Variants in SIRPG observed in about 807,000 individuals in gnomAD.
SIRPG encodes the protein signal regulatory protein gamma, also known as signal-regulatory protein gamma.
In SIRPG, 38 loss-of-function variants were observed where a neutral mutation model predicts 35.7. The observed-to-expected ratio is 1.06, with a 90% confidence interval of 0.82 to 1.40. The LOEUF (loss-of-function observed/expected upper bound fraction) is 1.40, where lower values mean the gene tolerates loss of function less well. Ranked by LOEUF, SIRPG falls within the 40% of genes most tolerant of loss-of-function variation. The probability of loss-of-function intolerance (pLI) is 0.00; values close to 1 mark genes in which losing one functional copy is unlikely to be tolerated. For synonymous variants in SIRPG, 215 were observed against 190.4 expected (o/e 1.13, Z -1.06); for missense variants, 519 against 483.0 (o/e 1.07, Z -0.70).
chr20:1,638,587 G>T (rs1600203766), intron 2 of SIRPG: 1 of 152,262 alleles, frequency 6.6e-6, no homozygotes, highest in East Asian at 1.9e-4. Flanking sequence ...AGGGAACAGA[G>T]TCCTCTGTGA....
the SIRPG span, among the ~76,000 whole-genome samples, chr20:1,683,164 C>T: frequency 6.6e-6 from 1 of 152,280 alleles, no homozygotes; most frequent in African/African-American, 2.4e-5. Flanking sequence ...TCTTACTATT[C>T]ATCAGAGAAA....
At chr20:1,658,282 T>C (rs73082618), upstream of SIRPG, among the ~76,000 whole-genome samples, 6,338 of 152,292 alleles carry the variant, frequency 0.042, 153 homozygotes, top group Middle Eastern at 0.058. Flanking sequence ...ATTCAGTCTC[T>C]TGTGGACCTT....
chr20:1,678,794 A>G, the SIRPG span, among the ~76,000 whole-genome samples: 2 of 152,164 alleles, frequency 1.3e-5, no homozygotes, highest in Non-Finnish European at 2.9e-5. Context: ...TTATAATCCA[A>G]CTGTCGACAA....
At chr20:1,673,760 C>T in the SIRPG span, among the ~76,000 whole-genome samples, 1 of 152,216 alleles carries the variant, frequency 6.6e-6, no homozygotes, top group African/African-American at 2.4e-5. Flanking sequence ...GAGCTATTTA[C>T]AGAAGCTGGA....
chr20:1,631,990 G>A (rs1276252845), intron 4 of SIRPG, among the ~76,000 whole-genome samples: 1 of 152,174 alleles, frequency 6.6e-6, no homozygotes, highest in African/African-American at 2.4e-5. Context: ...TGGCTAGAGG[G>A]CAGAAAGAAT....
chr20:1,646,135 T>C (rs1262068538), intron 2 of SIRPG: 1 of 152,270 alleles, frequency 6.6e-6, no homozygotes, highest in Non-Finnish European at 1.5e-5. Context: ...GGGCACCTTC[T>C]GTGTCCCACC....
At chr20:1,639,694 C>T (rs769579122) in intron 2 of SIRPG, among the ~76,000 whole-genome samples, 4 of 152,186 alleles carry the variant, frequency 2.6e-5, no homozygotes, top group Non-Finnish European at 5.9e-5. Flanking sequence ...GAAGTCTTTG[C>T]CCATGCCTAT....
chr20:1,657,494 C>T lies in SIRPG; in HGVS notation c.73+148G>A, dbSNP rs906301974. ...GCTGCAGATCCACAGAGAAAGTGCTCAGCTCCCTGATCTTCTGCTCTTGGA... is the reference window on the plus strand; with the variant it reads ...GCTGCAGATCCACAGAGAAAGTGCTTAGCTCCCTGATCTTCTGCTCTTGGA... On this transcript the variant is annotated intron_variant, in intron 1 of 5. Transcript: ENST00000303415. The T allele has an allele frequency of 9.0e-6, 7 of 774,838 alleles. No individual in the cohort carries two copies. In the African/African-American group the frequency reaches 1.1e-4, roughly 12 times the overall value. 48.0% of individuals were successfully genotyped at this position (774,838 alleles called of 1,614,324 possible). A position where few individuals can be genotyped will look rare whatever the true frequency, so the allele number is the denominator to read the frequency against.
chr20:1,642,903 C>G (rs557652904), intron 2 of SIRPG, among the ~76,000 whole-genome samples: 1 of 152,182 alleles, frequency 6.6e-6, no homozygotes, highest in African/African-American at 2.4e-5. Context: ...GGCCCCCACT[C>G]TCTCCTGGCT....
the SIRPG span, among the ~76,000 whole-genome samples, chr20:1,672,243 G>A: frequency 1.3e-5 from 2 of 152,158 alleles, no homozygotes; most frequent in African/African-American, 4.8e-5. Context: ...CTTCATATAA[G>A]TGAACACAGT....
At chr20:1,645,228 T>C (rs1462168996) in intron 2 of SIRPG, among the ~76,000 whole-genome samples, 2 of 152,088 alleles carry the variant, frequency 1.3e-5, no homozygotes, top group Non-Finnish European at 2.9e-5. Context: ...TTCCACCACA[T>C]TTTTTCTGAA....
upstream of SIRPG, chr20:1,657,914 G>A (rs976274834): frequency 1.9e-5 from 10 of 525,104 alleles, no homozygotes; most frequent in South Asian, 1.2e-4. Flanking sequence ...AGTTAATCGT[G>A]CTCCATTTTC....
At chr20:1,636,905 T>C (rs957699592) in intron 2 of SIRPG, among the ~76,000 whole-genome samples, 2 of 152,084 alleles carry the variant, frequency 1.3e-5, no homozygotes, top group East Asian at 3.9e-4. Flanking sequence ...TAGGGAACAA[T>C]GGCAAAGTGG....
Position 1,644,741 on chromosome 20 carries a change from G to A in SIRPG, c.430+4311C>T, listed in dbSNP as rs184675148. Among the ~76,000 whole-genome samples the A allele has an allele frequency of 7.0e-4, 106 of 152,318 alleles. 1 individual carries two copies. Among genetic ancestry groups the A allele is most frequent in the Admixed American group, 6.4e-3 (98 of 15,304 alleles). On this transcript the variant is annotated intron_variant, in intron 2 of 5. Transcript: ENST00000303415. ...GAGGGTTGCACAGTTCTGTGGAAAA[G>A]CACTGTTTCACAGGCTAGGTAGCAG...
intron 4 of SIRPG, 67 bp downstream of exon 4, chr20:1,635,200 G>A: frequency 7.9e-7 from 1 of 1,266,698 alleles, no homozygotes; most frequent in Non-Finnish European, 1.1e-6. Context: ...TTATTTTACA[G>A]CAAGTGTGGA....
chr20:1,674,410 A>G, the SIRPG span, among the ~76,000 whole-genome samples: 1 of 152,110 alleles, frequency 6.6e-6, no homozygotes, highest in African/African-American at 2.4e-5. Flanking sequence ...CTGAGCATTT[A>G]AAAGGATTTA....
In SIRPG at chr20:1,630,342, A is replaced by G. The variant is rs548468242; in HGVS notation, c.1082-36T>C. The G allele has an allele frequency of 2.4e-5, 36 of 1,510,186 alleles. No homozygotes were observed. The East Asian group carries it at 8.7e-4, about 36-fold the overall frequency. The allele number at this position is 1,510,186 out of a possible 1,614,324, so 93.5% of individuals were successfully genotyped here. A position where few individuals can be genotyped will look rare whatever the true frequency, so the allele number is the denominator to read the frequency against. ...GGGAAGACGAGGGGCTATGAGAGAG[A>G]CCACTTGGGAGGCCATTGTAGGGGC... On this transcript the variant is annotated intron_variant, in intron 4 of 5. Transcript: ENST00000303415.
At chr20:1,644,419 C>G (rs1037078772) in intron 2 of SIRPG, among the ~76,000 whole-genome samples, 10 of 152,356 alleles carry the variant, frequency 6.6e-5, no homozygotes, top group Middle Eastern at 3.4e-3. Context: ...CTGGCTCCAG[C>G]AGGGGAAAAG....
chr20:1,631,139 G>A (rs933969245), intron 4 of SIRPG, among the ~76,000 whole-genome samples: 16 of 152,054 alleles, frequency 1.1e-4, no homozygotes, highest in Admixed American at 3.3e-4. Context: ...TTTTTAACGC[G>A]AGCAGTTTGG....
Sources: allele counts gnomAD v4.1 joint callset (sites outside exome capture counted in the v4.1 genomes callset), GRCh38; gene constraint gnomAD v4.1.1; transcripts MANE v1.5; gene names NCBI Gene and HGNC (gene_info 2026-07-23, HGNC 2026-07-21).